ZNF232: variants seen among roughly 807,000 people sequenced by gnomAD.
ZNF232 encodes the protein zinc finger and SCAN domain-containing protein 11.
Under a neutral mutation model 25.2 loss-of-function variants are expected in ZNF232, and 25 were observed. That is an observed-to-expected ratio of 0.99 (90% CI 0.72 to 1.39). The LOEUF (loss-of-function observed/expected upper bound fraction) is 1.39. Among genes scored for constraint, ZNF232 ranks in the 40% most tolerant of loss-of-function variants. ZNF232 has a pLI of 0.00. For synonymous variants in ZNF232, 193 were observed against 182.9 expected (o/e 1.06, Z -0.45); for missense variants, 519 against 520.9 (o/e 1.00, Z 0.04).
exon 2 of ZNF232, chr17:5,109,678 A>G: frequency 6.2e-7 from 1 of 1,614,160 alleles, no homozygotes; most frequent in Non-Finnish European, 8.5e-7. Context: ...TGACTGGTAG[A>G]GTGGTTCCCA....
rs565942747 is a variant in ZNF232 at position 5,106,932 on chromosome 17, G to A, written c.626-426C>T. 4.0e-4 allele frequency among the ~76,000 whole-genome samples: 61 copies of A among 152,200 alleles called. 1 individual carries two copies. The highest frequency in any genetic ancestry group is 3.4e-3 in the Middle Eastern group (1 of 292). ...GGCAAAAAAAACTGTGCCCTTCCTG[G>A]CTCTGCAACCTTCACCTCTTCCCAT... On this transcript the variant is annotated intron_variant, in intron 3 of 3. Coordinates refer to ENST00000575898, the Ensembl canonical transcript of ZNF232.
At chr17:5,112,798 A>G (rs1164274707), upstream of ZNF232, among the ~76,000 whole-genome samples, 1 of 151,120 alleles carries the variant, frequency 6.6e-6, no homozygotes, top group Non-Finnish European at 1.5e-5. Context: ...CCCTGTCTCT[A>G]TTAAAAATAC....
chr17:5,117,190 C>G (rs568696874), intron 1 of ZNF232, among the ~76,000 whole-genome samples: 2 of 152,186 alleles, frequency 1.3e-5, no homozygotes, highest in Non-Finnish European at 2.9e-5. Context: ...TATGCTCACC[C>G]TGCTTTGTAG....
chr17:5,109,910 G>A (rs62074222), intron 1 of ZNF232, 42 bp from the exon 2 acceptor site: 10 of 1,500,874 alleles, frequency 6.7e-6, no homozygotes, highest in Non-Finnish European at 8.9e-6. Context: ...TTTTTTTTAA[G>A]ACAGAGTCTT....
rs762220082 is a variant in ZNF232, at chr17:5,109,278, T to C, written c.498+116A>G. The C allele has an allele frequency of 8.3e-6, 11 of 1,319,530 alleles. 1 individual carries two copies. The highest frequency in any genetic ancestry group is 1.2e-5 in the Non-Finnish European group (11 of 918,494). 81.7% of individuals were successfully genotyped at this position (1,319,530 alleles called of 1,614,324 possible). ...GACAGACACAGAAACACATACTAAC[T>C]GCTCTACCTGGCCCAAGAGAGGTTT... On this transcript the variant is annotated intron_variant, in intron 2 of 3. Transcript: ENST00000575898.
upstream of ZNF232, among the ~76,000 whole-genome samples, chr17:5,115,979 G>C (rs1390794112): frequency 6.6e-6 from 1 of 152,240 alleles, no homozygotes; most frequent in Admixed American, 6.5e-5. Context: ...GGGCCTCAAA[G>C]CTGTAGGGCT....
chr17:5,111,060 G>A (rs1427131522), intron 1 of ZNF232: 3 of 152,168 alleles, frequency 2.0e-5, no homozygotes, highest in Non-Finnish European at 4.4e-5. Flanking sequence ...TTTTACACAA[G>A]ATAAGGTAGA....
At chr17:5,109,559 C>T (rs756609506) in exon 2 of ZNF232, 21 of 1,614,092 alleles carry the variant, frequency 1.3e-5, no homozygotes, top group Non-Finnish European at 1.8e-5. Flanking sequence ...TCGTGTGTTT[C>T]TCTGGCCTCA....
intron 3 of ZNF232, among the ~76,000 whole-genome samples, chr17:5,107,394 GAAAAAAA>G (rs749338515): frequency 1.2e-4 from 7 of 60,684 alleles, no homozygotes; most frequent in East Asian, 1.3e-3. Flanking sequence ...TCTCAAAAAG[GAAAAAAA>G]AAAAAAAAAA....
upstream of ZNF232, chr17:5,113,899 T>C (rs1197354675): frequency 2.0e-5 from 3 of 152,172 alleles, no homozygotes; most frequent in African/African-American, 7.2e-5. Context: ...TTTACAAGAT[T>C]TTCCTGTGGT....
chr17:5,120,926 T>G (rs1175552146), intron 1 of ZNF232: 34 of 454,402 alleles, frequency 7.5e-5, no homozygotes, highest in Non-Finnish European at 2.2e-5. Flanking sequence ...CCCCTCATGA[T>G]TTCGATGTAA....
upstream of ZNF232, chr17:5,114,149 T>G (rs2072477017): frequency 6.6e-6 from 1 of 152,334 alleles, no homozygotes; most frequent in South Asian, 2.1e-4. Context: ...ATCATTACTG[T>G]CTTCCTAGGG....
At chr17:5,114,170 G>C (rs1251568676), upstream of ZNF232, 1 of 152,144 alleles carries the variant, frequency 6.6e-6, no homozygotes, top group African/African-American at 2.4e-5. Context: ...TTATGATTCT[G>C]TATGGTTTCT....
chr17:5,122,165 G>A (rs1435437034), intron 1 of ZNF232, among the ~76,000 whole-genome samples: 1 of 151,972 alleles, frequency 6.6e-6, no homozygotes, highest in Non-Finnish European at 1.5e-5. Flanking sequence ...GGGGAAGGAA[G>A]GTGGTGCACG....
intron 1 of ZNF232, 24 bp downstream of exon 1, chr17:5,111,776 G>C: frequency 6.2e-7 from 1 of 1,613,660 alleles, no homozygotes; most frequent in Non-Finnish European, 8.5e-7. Context: ...GGTGGACCTC[G>C]GGGAAGCCGC....
At chr17:5,121,212 G>A (rs1419970649) in intron 1 of ZNF232, among the ~76,000 whole-genome samples, 1 of 152,208 alleles carries the variant, frequency 6.6e-6, no homozygotes, top group Non-Finnish European at 1.5e-5. Flanking sequence ...AGAGCAGGCT[G>A]AATTCCTCCA....
exon 4 of ZNF232, chr17:5,106,157 A>C (rs942872536): frequency 6.2e-6 from 10 of 1,614,194 alleles, no homozygotes; most frequent in Middle Eastern, 1.7e-4. Context: ...TCCCACAGTC[A>C]CTACACTTAT....
upstream of ZNF232, chr17:5,111,993 G>C (rs1026216704): frequency 3.0e-6 from 3 of 986,658 alleles, no homozygotes; most frequent in African/African-American, 5.0e-5. Flanking sequence ...GGGAGCCCGG[G>C]AACCGGTTCC....
At chr17:5,106,670 T>C in intron 3 of ZNF232, 137 bp from the exon 4 acceptor site, 2 of 757,200 alleles carry the variant, frequency 2.6e-6, no homozygotes, top group South Asian at 3.9e-5. Flanking sequence ...CTCTTGGTGA[T>C]GGGACTATAC....
Sources: gnomAD v4.1 joint callset for allele counts (sites outside exome capture counted in the v4.1 genomes callset) on GRCh38, gnomAD v4.1.1 for gene constraint, MANE v1.5 for transcripts, NCBI Gene and HGNC (gene_info 2026-07-23, HGNC 2026-07-21) for gene names.